Variants in WAPL observed in about 807,000 individuals in gnomAD.
WAPL encodes wings apart-like protein homolog.
A neutral mutation model predicts 121.0 loss-of-function variants in WAPL; 5 were observed. The observed-to-expected ratio is 0.04, with a 90% CI of 0.02 to 0.09. The LOEUF is 0.09. Ranked by LOEUF, WAPL falls within the 10% of genes least tolerant of loss-of-function variation. The pLI is 1.00. For missense variants in WAPL, 999 were observed against 1,410.8 expected, an observed-to-expected ratio of 0.71 and a Z score of 4.68; for synonymous variants, 480 against 481.5, an observed-to-expected ratio of 1.00 and a Z score of 0.04.
At chr10:86,487,798 G>A (rs560337508) in intron 4 of WAPL, among the ~76,000 whole-genome samples, 2 of 152,310 alleles carry the variant, frequency 1.3e-5, no homozygotes, top group South Asian at 4.1e-4. Context: ...GGGAGGCTGA[G>A]GCAGGAGAAT....
chr10:86,459,012 G>C lies in WAPL; in HGVS notation c.2634C>G (p.Ser878=), dbSNP rs1046102501. The part of the protein sequence containing the change: ...NQSYLIAYKD[S]QLIVSSAKAL... Reference sequence around the variant, plus strand: ...ACTTAGCTGATGAAACAATAAGTTGGGAATCTTTATATGCTATCAAGTAGC... The same window carrying C: ...ACTTAGCTGATGAAACAATAAGTTGCGAATCTTTATATGCTATCAAGTAGC... The change falls in exon 12 of 19, where the codon TCC becomes TCG. Residue 878 remains serine, a synonymous_variant. Coordinates refer to ENST00000298767, the MANE Select transcript of WAPL (RefSeq NM_015045.5). 2 of 1,607,820 alleles carry C rather than the reference G, an allele frequency of 1.2e-6. No individual in the cohort carries two copies. Among genetic ancestry groups the C allele is most frequent in the Non-Finnish European group, 1.7e-6 (2 of 1,177,430 alleles).
intron 4 of WAPL, among the ~76,000 whole-genome samples, chr10:86,495,846 G>A (rs553210369): frequency 1.3e-5 from 2 of 152,254 alleles, no homozygotes; most frequent in East Asian, 3.9e-4. Flanking sequence ...CGGGCACGGT[G>A]GCTCACACCT....
intron 4 of WAPL, among the ~76,000 whole-genome samples, chr10:86,496,726 C>T (rs1465477801): frequency 6.6e-6 from 1 of 151,936 alleles, no homozygotes; most frequent in Non-Finnish European, 1.5e-5. Context: ...ACAGATGTAA[C>T]CTTAGAAAAA....
chr10:86,483,846 G>A (rs1176633997), intron 4 of WAPL, among the ~76,000 whole-genome samples: 1 of 113,274 alleles, frequency 8.8e-6, no homozygotes, highest in Non-Finnish European at 1.6e-5. Context: ...CCAGGCTGGA[G>A]TACAGTGGCG....
rs759026277 is a variant in WAPL at position 86,499,814 on chromosome 10, T to G, written c.1429A>C (p.Lys477Gln). 5.0e-6 allele frequency: 8 copies of G among 1,613,528 alleles called. No homozygotes were observed. The highest frequency in any genetic ancestry group is 2.2e-5 in the East Asian group (1 of 44,898). The change falls in exon 3 of 19, where the codon AAA becomes CAA. Residue 477 changes from lysine to glutamine, a missense_variant. By Grantham distance (53) the Lys-to-Gln change is moderately conservative (BLOSUM62 1). This residue lies in a region of WAPL where 531 missense variants were observed against 563.1 expected (regional missense o/e 0.94). Coordinates refer to ENST00000298767, the MANE Select transcript of WAPL (RefSeq NM_015045.5). ...DDCQVERKTS[K>Q]KRTKTAPSPS... ...GATGGAGCTGTTTTAGTTCTTTTTTTGCTTGTCTTTCTTTCTACTTGACAG... is the reference window on the plus strand; with the variant it reads ...GATGGAGCTGTTTTAGTTCTTTTTTGGCTTGTCTTTCTTTCTACTTGACAG...
intron 4 of WAPL, among the ~76,000 whole-genome samples, chr10:86,490,518 A>G (rs1842024073): frequency 6.6e-6 from 1 of 152,186 alleles, no homozygotes; most frequent in Non-Finnish European, 1.5e-5. Context: ...TTAAAAAAAC[A>G]GAACACAAAT....
At chr10:86,505,612 A>T (rs1194192606) in intron 2 of WAPL, among the ~76,000 whole-genome samples, 1 of 152,028 alleles carries the variant, frequency 6.6e-6, no homozygotes, top group African/African-American at 2.4e-5. Flanking sequence ...TTGAATTTAA[A>T]TGCATATACA....
chr10:86,518,232 A>C (rs1156412341), intron 1 of WAPL, 141 bp from the exon 2 acceptor site: 12 of 821,666 alleles, frequency 1.5e-5, no homozygotes, highest in Admixed American at 3.0e-5. Flanking sequence ...AATATGAGGA[A>C]GGGGTATAAA....
chr10:86,506,726 G>A (rs1842357896), intron 2 of WAPL, among the ~76,000 whole-genome samples: 1 of 152,048 alleles, frequency 6.6e-6, no homozygotes, highest in Admixed American at 6.6e-5. Context: ...GGAGTTTAAG[G>A]TTGCAGTGAG....
At position 86,497,253 on chromosome 10, in the gene WAPL, T is replaced by G. The variant is rs145200800; in HGVS notation, c.1592A>C (p.Gln531Pro). ...PESVKKPINK[Q>P]GDKSKENTRK... is the part of the protein sequence containing the mutation. ...GGTATTTTCCTTTGATTTATCTCCTTGTTTATTTATGGGCTTCTTCACACT... is the reference window on the plus strand; with the variant it reads ...GGTATTTTCCTTTGATTTATCTCCTGGTTTATTTATGGGCTTCTTCACACT... Residue 531 changes from glutamine to proline, a missense_variant, in exon 4 of 19, where the codon CAA becomes CCA. By Grantham distance (76) the Gln-to-Pro change is moderately conservative. Transcript: ENST00000298767. The G allele has an allele frequency of 2.0e-5, 33 of 1,613,278 alleles. No individual in the cohort carries two copies. In the African/African-American group the frequency reaches 3.6e-4, roughly 18 times the overall value.
In WAPL at chr10:86,500,269, G is replaced by A; in HGVS notation, c.974C>T (p.Ala325Val). 1 of 1,614,178 alleles carries A rather than the reference G, an allele frequency of 6.2e-7. No homozygotes were observed. The highest frequency in any genetic ancestry group is 8.5e-7 in the Non-Finnish European group (1 of 1,180,038). Residue 325 changes from alanine to valine, a missense_variant, in exon 3 of 19, where the codon GCA (alanine) becomes GTA (valine). Ala to Val is a moderately conservative substitution (Grantham distance 64, BLOSUM62 0). This residue lies in a region of WAPL where 531 missense variants were observed against 563.1 expected (regional missense o/e 0.94). Coordinates refer to ENST00000298767, the MANE Select transcript of WAPL (RefSeq NM_015045.5). ...MDGTSQALAK[A>V]NSESSKDGLN... The stretch of plus-strand genomic sequence containing the variant: ...GCCATCTTTACTCGATTCACTGTTT[G>A]CTTTGGCTAAGGCCTGACTGGTGCC...
intron 2 of WAPL, among the ~76,000 whole-genome samples, chr10:86,501,402 T>G (rs1842244562): frequency 6.6e-6 from 1 of 152,210 alleles, no homozygotes; most frequent in Non-Finnish European, 1.5e-5. Context: ...GAGAATTCAT[T>G]TTTGTTGCCT....
intron 15 of WAPL, among the ~76,000 whole-genome samples, chr10:86,451,312 C>T (rs917677649): frequency 6.7e-6 from 1 of 150,298 alleles, no homozygotes; most frequent in Non-Finnish European, 1.5e-5. Context: ...TTATAACAGT[C>T]GAAAAAAAAT....
At chr10:86,470,904 A>G (rs1179070828) in intron 8 of WAPL, 88 bp downstream of exon 8, 3 of 1,010,116 alleles carry the variant, frequency 3.0e-6, no homozygotes, top group Admixed American at 2.5e-5. Flanking sequence ...ATATATTTAT[A>G]GAATATTCAG....
chr10:86,438,709 C>G (rs1849387788), intron 17 of WAPL, among the ~76,000 whole-genome samples: 1 of 152,118 alleles, frequency 6.6e-6, no homozygotes, highest in African/African-American at 2.4e-5. Context: ...ATAAAAAGAT[C>G]AAAGAAAAAT....
chr10:86,465,634 A>G (rs1344533248), intron 9 of WAPL, among the ~76,000 whole-genome samples: 1 of 152,210 alleles, frequency 6.6e-6, no homozygotes, highest in African/African-American at 2.4e-5. Flanking sequence ...GTACACTGCA[A>G]TAGCCCTACA....
intron 4 of WAPL, among the ~76,000 whole-genome samples, chr10:86,487,480 T>C (rs1232662225): frequency 6.6e-6 from 1 of 152,226 alleles, no homozygotes; most frequent in Admixed American, 6.5e-5. Context: ...ATGTTCTTAC[T>C]ACAAGTTTTC....
In WAPL at chr10:86,518,059, C is replaced by A; in HGVS notation, c.11G>T (p.Arg4Ile). 6.2e-7 allele frequency: 1 copy of A among 1,611,326 alleles called. No homozygotes were observed. Among genetic ancestry groups the A allele is most frequent in the South Asian group, 1.1e-5 (1 of 90,338 alleles). The change falls in exon 2 of 19, where the codon AGA (arginine) becomes ATA (isoleucine). Residue 4 changes from arginine to isoleucine, a missense_variant. Physicochemically the swap from Arg to Ile is moderately conservative, Grantham distance 97. Transcript: ENST00000298767. Reference protein sequence around the residue: MTSRFGKTYSRKGG... With the variant: MTSIFGKTYSRKGG... Reference sequence around the variant, plus strand: ...TTTCCTACTGTATGTTTTCCCAAATCTGGATGTCATTTTGACACCAGTTTC... The same window carrying A: ...TTTCCTACTGTATGTTTTCCCAAATATGGATGTCATTTTGACACCAGTTTC...
Position 86,508,989 on chromosome 10 carries a change from C to T in WAPL, c.500-8246G>A, listed in dbSNP as rs12259963. On this transcript the variant is annotated intron_variant, in intron 2 of 18. Coordinates refer to ENST00000298767, the MANE Select transcript of WAPL (RefSeq NM_015045.5). Reference sequence around the variant, plus strand: ...CGATCTCCTGACCTCGTGATCCGCCCGCCTCTGCCTCCCAAAGTGCTGGGA... The same window carrying T: ...CGATCTCCTGACCTCGTGATCCGCCTGCCTCTGCCTCCCAAAGTGCTGGGA... Among the ~76,000 whole-genome samples the T allele has an allele frequency of 9.8e-3, 1,493 of 152,144 alleles. 30 individuals carry two copies. The highest frequency in any genetic ancestry group is 0.034 in the African/African-American group (1,418 of 41,470).
Sources: allele counts gnomAD v4.1 joint callset (sites outside exome capture counted in the v4.1 genomes callset), GRCh38; gene constraint gnomAD v4.1.1; regional missense constraint gnomAD v4.1.1; transcripts MANE v1.5; gene names NCBI Gene and HGNC (gene_info 2026-07-23, HGNC 2026-07-21).